Variants in COMMD1 observed in about 807,000 individuals in gnomAD.
COMMD1 encodes the protein copper metabolism domain containing 1.
COMMD1 carries 10 observed loss-of-function variants against 17.2 expected under a neutral mutation model. That is an observed-to-expected ratio of 0.58 (90% CI 0.36 to 0.99). COMMD1 has a LOEUF of 0.99. Ranked by LOEUF, COMMD1 falls within the 50% of genes least tolerant of loss-of-function variation. The pLI is 0.01. For missense variants in COMMD1, 270 were observed against 231.8 expected, an observed-to-expected ratio of 1.17 and a Z score of -1.07; for synonymous variants, 97 against 91.6, an observed-to-expected ratio of 1.06 and a Z score of -0.34.
At chr2:62,004,603 A>G (rs1477792331) in intron 2 of COMMD1, among the ~76,000 whole-genome samples, 3 of 152,090 alleles carry the variant, frequency 2.0e-5, no homozygotes, top group African/African-American at 7.2e-5. Flanking sequence ...CGCCCGGCCT[A>G]TAAAATCCTT....
At chr2:61,943,359 A>G (rs867836535) in intron 1 of COMMD1, among the ~76,000 whole-genome samples, 35 of 152,112 alleles carry the variant, frequency 2.3e-4, no homozygotes, top group African/African-American at 7.7e-4. Flanking sequence ...TTCCTAAATT[A>G]TTTGTTTCCC....
intron 2 of COMMD1, among the ~76,000 whole-genome samples, chr2:62,130,366 C>G (rs1450777407): frequency 6.6e-6 from 1 of 151,832 alleles, no homozygotes; most frequent in African/African-American, 2.4e-5. Context: ...CCTCCCTCTC[C>G]CAGGTTCAAG....
At chr2:62,104,938 C>T (rs1469920854) in intron 2 of COMMD1, among the ~76,000 whole-genome samples, 3 of 151,838 alleles carry the variant, frequency 2.0e-5, no homozygotes, top group Non-Finnish European at 4.4e-5. Context: ...CCAGCCTGGC[C>T]AACATGGAGA....
At chr2:61,897,523 G>T (rs1023831564) in intron 1 of COMMD1, among the ~76,000 whole-genome samples, 3 of 152,152 alleles carry the variant, frequency 2.0e-5, no homozygotes, top group African/African-American at 7.2e-5. Context: ...CGAGGTGGGT[G>T]GATCACCTGA....
chr2:62,051,023 T>C (rs1169910560), intron 2 of COMMD1, among the ~76,000 whole-genome samples: 1 of 152,174 alleles, frequency 6.6e-6, no homozygotes, highest in Non-Finnish European at 1.5e-5. Flanking sequence ...ATTATGAATC[T>C]TATTTTCCAT....
intron 1 of COMMD1, among the ~76,000 whole-genome samples, chr2:61,943,816 C>T (rs1670832640): frequency 6.6e-6 from 1 of 152,164 alleles, no homozygotes; most frequent in Non-Finnish European, 1.5e-5. Flanking sequence ...GCCTTGGCGT[C>T]TCAGTGAGAC....
chr2:61,904,598 G>A (rs1291597451), upstream of COMMD1, among the ~76,000 whole-genome samples: 1 of 152,132 alleles, frequency 6.6e-6, no homozygotes, highest in African/African-American at 2.4e-5. Context: ...ATGTCTTTTA[G>A]TCAACTAGTA....
chr2:62,054,479 T>C (rs1372489110), intron 2 of COMMD1, among the ~76,000 whole-genome samples: 3 of 152,050 alleles, frequency 2.0e-5, no homozygotes, highest in Non-Finnish European at 4.4e-5. Context: ...ATAAAGAAAA[T>C]GTAGTACATA....
At chr2:61,963,948 C>T (rs550044366) in intron 1 of COMMD1, among the ~76,000 whole-genome samples, 2 of 152,218 alleles carry the variant, frequency 1.3e-5, no homozygotes, top group Non-Finnish European at 2.9e-5. Context: ...AAACTACAGT[C>T]TTCCACCAGG....
chr2:62,092,212 C>A (rs1164275521), intron 2 of COMMD1, among the ~76,000 whole-genome samples: 3 of 152,144 alleles, frequency 2.0e-5, no homozygotes, highest in Non-Finnish European at 1.5e-5. Context: ...GAAAGTTATA[C>A]CAAGGAAGAG....
intron 2 of COMMD1, among the ~76,000 whole-genome samples, chr2:62,029,432 A>G (rs549176139): frequency 1.3e-5 from 2 of 152,140 alleles, no homozygotes; most frequent in African/African-American, 4.8e-5. Context: ...TGTATCCATT[A>G]TATGGGCATA....
At chr2:62,111,111 T>C (rs944434675) in intron 2 of COMMD1, among the ~76,000 whole-genome samples, 14 of 152,304 alleles carry the variant, frequency 9.2e-5, no homozygotes, top group African/African-American at 3.4e-4. Context: ...TCTTTACGAA[T>C]GGAGATTTTC....
At chr2:62,115,212 TTTA>T (rs1672558296) in intron 2 of COMMD1, among the ~76,000 whole-genome samples, 1 of 152,248 alleles carries the variant, frequency 6.6e-6, no homozygotes. Flanking sequence ...TGGTGGAGTC[TTTA>T]TTTAGATTTC....
intron 1 of COMMD1, among the ~76,000 whole-genome samples, chr2:61,898,739 A>G (rs1249278579): frequency 6.6e-6 from 1 of 152,090 alleles, no homozygotes; most frequent in Non-Finnish European, 1.5e-5. Flanking sequence ...TTTGGCCACA[A>G]TAGAAAGGAA....
chr2:62,069,565 T>G (rs576225345), intron 2 of COMMD1: 10 of 152,168 alleles, frequency 6.6e-5, no homozygotes, highest in African/African-American at 2.4e-4. Context: ...ATGTGGGTGG[T>G]GGGTAGGGCA....
intron 1 of COMMD1, among the ~76,000 whole-genome samples, chr2:61,973,033 A>G (rs755747468): frequency 6.6e-5 from 10 of 151,838 alleles, no homozygotes; most frequent in Admixed American, 2.6e-4. Flanking sequence ...TTTGTCTGCA[A>G]TTTGCTTTTT....
At chr2:62,076,367 A>G (rs1671336600) in intron 2 of COMMD1, among the ~76,000 whole-genome samples, 2 of 152,272 alleles carry the variant, frequency 1.3e-5, no homozygotes, top group Admixed American at 6.5e-5. Flanking sequence ...AGAGGGATGC[A>G]TAAAAGAGGA....
rs34949326 is a variant in COMMD1 at position 61,889,202 on chromosome 2, C to CTTTTTTTTTT, written n.119+375_119+384dup. On this transcript the variant is annotated intron_variant and non_coding_transcript_variant, in intron 1 of 2. Coordinates refer to the COMMD1 transcript ENST00000472729. ...ACAGGCGTCAGCCACGAAGCCCGGC[C>CTTTTTTTTTT]TTTTTTTTTTTTTTTTTTTTTTTTG... Among the ~76,000 whole-genome samples the CTTTTTTTTTT allele has an allele frequency of 5.5e-5, 3 of 54,786 alleles. 1 individual carries two copies. Among genetic ancestry groups the CTTTTTTTTTT allele is most frequent in the African/African-American group, 1.5e-4 (2 of 13,070 alleles). 35.9% of individuals were successfully genotyped at this position (54,786 alleles called of 152,430 possible). A position where few individuals can be genotyped will look rare whatever the true frequency, so the allele number is the denominator to read the frequency against.
chr2:61,945,825 C>T (rs765814840), intron 1 of COMMD1, among the ~76,000 whole-genome samples: 4 of 152,188 alleles, frequency 2.6e-5, no homozygotes, highest in East Asian at 1.9e-4. Context: ...GGTTGAAAGT[C>T]ACTGTCGGTA....
Sources: gnomAD v4.1 joint callset for allele counts (sites outside exome capture counted in the v4.1 genomes callset) on GRCh38, gnomAD v4.1.1 for gene constraint, MANE v1.5 for transcripts, NCBI Gene and HGNC (gene_info 2026-07-23, HGNC 2026-07-21) for gene names.